The following RNF213 variants were observed in gnomAD, a reference collection of about 807,000 sequenced individuals.
The protein encoded by RNF213 is ring finger protein 213.
Under a neutral mutation model 514.4 loss-of-function variants are expected in RNF213, and 341 were observed. The observed-to-expected ratio is 0.66, with a 90% CI of 0.61 to 0.73. The LOEUF (loss-of-function observed/expected upper bound fraction) is 0.73, where lower values mean the gene tolerates loss of function less well. RNF213 is among the 30% of genes least tolerant of loss of function. RNF213 has a pLI of 0.00. For missense variants in RNF213, 5,767 were observed against 6,615.6 expected (o/e 0.87, Z 4.45); for synonymous variants, 2,655 against 2,658.2 (o/e 1.00, Z 0.04).
intron 56 of RNF213, chr17:80,381,271 G>T: frequency 1.7e-6 from 1 of 594,698 alleles, no homozygotes; most frequent in Non-Finnish European, 3.0e-6. Flanking sequence ...TATTTTACCT[G>T]TGTCTTCATT....
Position 80,298,713 on chromosome 17 carries a change from C to T in RNF213, c.2210+195C>T, listed in dbSNP as rs1279785500. The T allele has an allele frequency of 8.0e-6, 5 of 623,398 alleles. No homozygotes were observed. In the African/African-American group the frequency reaches 9.1e-5, roughly 11 times the overall value. The allele number at this position is 623,398 out of a possible 1,614,324, so 38.6% of individuals were successfully genotyped here. ...TGCACAGTGGCTCACGCCTGTAATC[C>T]CAGCACTTTGGGAGGCTGAGACGGG... On this transcript the variant is annotated intron_variant, in intron 11 of 67. Coordinates refer to ENST00000582970, the MANE Select transcript of RNF213 (RefSeq NM_001256071.3).
In RNF213 at chr17:80,351,727, G is replaced by A. The variant is rs1359812046; in HGVS notation, c.10227G>A (p.Glu3409=). 2 of 1,611,732 alleles carry A rather than the reference G, an allele frequency of 1.2e-6. No individual in the cohort carries two copies. The highest frequency in any genetic ancestry group is 2.2e-5 in the East Asian group (1 of 44,894). Residue 3409 remains glutamate, a synonymous_variant, in exon 32 of 68, where the codon GAG becomes GAA. Coordinates refer to ENST00000582970, the MANE Select transcript of RNF213 (RefSeq NM_001256071.3). ...AAATCAACAAAATACGAGAAAATGA[G>A]GACCGTATCTTCGTCTATTTCATCA... is the stretch of plus-strand genomic sequence containing the variant. ...INEINKIREN[E]DRIFVYFITK...
At position 80,263,724 on chromosome 17, in the gene RNF213, C is replaced by G; in HGVS notation, c.43C>G (p.Pro15Ala). 1 of 1,614,144 alleles carries G rather than the reference C, an allele frequency of 6.2e-7. No homozygotes were observed. The highest frequency in any genetic ancestry group is 8.5e-7 in the Non-Finnish European group (1 of 1,180,024). ...CCAGCATGTCTCCAAGGAGGAAACC[C>G]CCAAGTTCTGCAGCCAGTGCGGAGA... is the stretch of plus-strand genomic sequence containing the variant. Reference protein sequence around the residue: ...SCQHVSKEETPKFCSQCGERL... With the variant: ...SCQHVSKEETAKFCSQCGERL... Residue 15 changes from proline (P) to alanine (A), a missense_variant, in exon 2 of 68, where the codon CCC (proline) becomes GCC (alanine). Transcript: ENST00000582970. This position sits in a 1 kb window ranked among gnomAD's most constrained non-coding sequence, Gnocchi z 4.9.
Position 80,373,129 on chromosome 17 carries a change from C to A in RNF213, c.12906C>A (p.His4302Gln). ...VQGLSKPGRP[H>Q]QWVFPKDVVK... Reference sequence around the variant, plus strand: ...GCCTCTCCAAGCCCGGCCGCCCGCACCAGTGGGTGTTTCCCAAGGACGTTG... The same window carrying A: ...GCCTCTCCAAGCCCGGCCGCCCGCAACAGTGGGTGTTTCCCAAGGACGTTG... The change falls in exon 49 of 68, where the codon CAC becomes CAA. Residue 4302 changes from histidine (H) to glutamine (Q), a missense_variant. Around this residue, in one of 13 missense-constraint regions of RNF213, gnomAD observed 1,245 missense variants for 1,339.0 expected, o/e 0.93. Transcript: ENST00000582970. 1 of 1,613,064 alleles carries A rather than the reference C, an allele frequency of 6.2e-7. No individual in the cohort carries two copies. The highest frequency in any genetic ancestry group is 8.5e-7 in the Non-Finnish European group (1 of 1,179,972).
At position 80,353,411 on chromosome 17, in the gene RNF213, C is replaced by T. The variant is rs2078605153; in HGVS notation, c.10424-101C>T. 2.2e-6 allele frequency: 3 copies of T among 1,357,102 alleles called. No homozygotes were observed. The highest frequency in any genetic ancestry group is 3.1e-6 in the Non-Finnish European group (3 of 972,258). The allele number at this position is 1,357,102 out of a possible 1,614,324, so 84.1% of individuals were successfully genotyped here. ...GCACCACAGCAGGGGCCGGGGAAGCCTGCACTCGGAGGCTGAGCACACAGA... is the reference window on the plus strand; with the variant it reads ...GCACCACAGCAGGGGCCGGGGAAGCTTGCACTCGGAGGCTGAGCACACAGA... On this transcript the variant is annotated intron_variant, in intron 33 of 67. Coordinates refer to ENST00000582970, the MANE Select transcript of RNF213 (RefSeq NM_001256071.3). The surrounding 1 kb of genome is among the most constrained non-coding windows in gnomAD (Gnocchi z 5.0).
At chr17:80,362,594 G>A (rs554210586) in intron 39 of RNF213, among the ~76,000 whole-genome samples, 6 of 152,352 alleles carry the variant, frequency 3.9e-5, no homozygotes, top group African/African-American at 1.4e-4. Flanking sequence ...GCCAGGCCAC[G>A]CGGCTGACAG....
chr17:80,305,752 C>T (rs1457733672), intron 11 of RNF213, among the ~76,000 whole-genome samples: 1 of 151,704 alleles, frequency 6.6e-6, no homozygotes, highest in African/African-American at 2.4e-5. Flanking sequence ...GCTGGGATTA[C>T]AGGATTACAG....
At chr17:80,319,977 A>T in intron 17 of RNF213, 2 of 1,033,152 alleles carry the variant, frequency 1.9e-6, no homozygotes, top group Non-Finnish European at 2.3e-6. Context: ...TAAGTGACTG[A>T]TACCTTTGAT....
intron 23 of RNF213, chr17:80,336,980 C>T (rs2078004422): frequency 5.8e-6 from 1 of 172,738 alleles, no homozygotes; most frequent in Non-Finnish European, 1.2e-5. Context: ...TTGACGTACG[C>T]AGCTTAACTA....
At position 80,358,257 on chromosome 17, in the gene RNF213, C is replaced by T. The variant is rs377018287; in HGVS notation, c.10863-31C>T. On this transcript the variant is annotated intron_variant, in intron 36 of 67. Coordinates refer to ENST00000582970, the MANE Select transcript of RNF213 (RefSeq NM_001256071.3). ...GACCGCCACTCTGGTTCCTCTGACCCGTGGTGGCCCATCTCTCTTCTGTGC... is the reference window on the plus strand; with the variant it reads ...GACCGCCACTCTGGTTCCTCTGACCTGTGGTGGCCCATCTCTCTTCTGTGC... The T allele has an allele frequency of 1.1e-4, 179 of 1,608,302 alleles. No individual in the cohort carries two copies. The African/African-American group carries it at 2.0e-3, about 18-fold the overall frequency.
chr17:80,262,983 G>GAGAGT (rs1310562844), intron 1 of RNF213, among the ~76,000 whole-genome samples: 2 of 152,204 alleles, frequency 1.3e-5, no homozygotes, highest in Non-Finnish European at 2.9e-5. Flanking sequence ...TGGGGAGGGA[G>GAGAGT]AGAGTCAGGT....
At chr17:80,295,471 C>A in intron 9 of RNF213, 86 bp from the exon 10 acceptor site, 2 of 1,563,464 alleles carry the variant, frequency 1.3e-6, no homozygotes, top group Non-Finnish European at 1.8e-6. Context: ...GGTCTGCTGC[C>A]CTAGCTGTGG....
intron 2 of RNF213, among the ~76,000 whole-genome samples, chr17:80,272,979 T>G (rs1470356399): frequency 6.6e-6 from 1 of 151,986 alleles, no homozygotes; most frequent in Non-Finnish European, 1.5e-5. Context: ...CTCGTGGACA[T>G]TGGGAGGAAG....
chr17:80,388,440 A>G (rs2080327117), intron 63 of RNF213, 172 bp from the exon 64 acceptor site: 1 of 655,998 alleles, frequency 1.5e-6, no homozygotes, highest in Non-Finnish European at 2.8e-6. Context: ...CGGTTGTGTT[A>G]CTATTTCCAT....
At chr17:80,368,233 C>T in intron 44 of RNF213, 90 bp downstream of exon 44, 2 of 1,421,708 alleles carry the variant, frequency 1.4e-6, no homozygotes, top group Non-Finnish European at 2.0e-6. Context: ...CTCTATTAAC[C>T]TTCATTTGGT....
intron 17 of RNF213, chr17:80,319,980 C>G: frequency 9.7e-7 from 1 of 1,032,550 alleles, no homozygotes. Flanking sequence ...GTGACTGATA[C>G]CTTTGATAAG....
rs2080688397 is a variant in RNF213 at position 80,397,505 on chromosome 17, C to T, written c.*4007C>T. 6.6e-6 allele frequency: 1 copy of T among 152,076 alleles called. No individual in the cohort carries two copies. Among genetic ancestry groups the T allele is most frequent in the African/African-American group, 2.4e-5 (1 of 41,400 alleles). The allele number at this position is 152,076 out of a possible 1,614,324, so 9.4% of individuals were successfully genotyped here. A position where few individuals can be genotyped will look rare whatever the true frequency, so the allele number is the denominator to read the frequency against. Reference sequence around the variant, plus strand: ...AGTGATGCTATCTATAGATTACAGACATTATATAGAAAAGCACCGTGAAAA... The same window carrying T: ...AGTGATGCTATCTATAGATTACAGATATTATATAGAAAAGCACCGTGAAAA... On this transcript the variant is annotated 3_prime_UTR_variant, in exon 68 of 68. Transcript: ENST00000582970.
At chr17:80,326,613 C>T (rs2143913901) in intron 18 of RNF213, among the ~76,000 whole-genome samples, 1 of 152,286 alleles carries the variant, frequency 6.6e-6, no homozygotes, top group African/African-American at 2.4e-5. Flanking sequence ...CTCCCATTTC[C>T]TTTAGTCTTT....
At position 80,354,451 on chromosome 17, in the gene RNF213, G is replaced by T. The variant is rs1273109648; in HGVS notation, c.10737G>T (p.Leu3579Phe). ...NEDDACHASF[L>F]RVSKMRLSVF... ...TCTGCCTTTGTACAGCCTCTTTCTTGCGGGTATCCAAGATGCGCCTCAGTG... is the reference window on the plus strand; with the variant it reads ...TCTGCCTTTGTACAGCCTCTTTCTTTCGGGTATCCAAGATGCGCCTCAGTG... The change falls in exon 36 of 68, where the codon TTG (leucine) becomes TTT (phenylalanine). Residue 3579 changes from leucine to phenylalanine, a missense_variant. Around this residue, in one of 13 missense-constraint regions of RNF213, gnomAD observed 919 missense variants for 1,121.0 expected, o/e 0.82. Transcript: ENST00000582970. The T allele has an allele frequency of 6.2e-7, 1 of 1,614,220 alleles. No homozygotes were observed. The highest frequency in any genetic ancestry group is 1.1e-5 in the South Asian group (1 of 91,086).
Sources: gnomAD v4.1 joint callset for allele counts (sites outside exome capture counted in the v4.1 genomes callset) on GRCh38, gnomAD v4.1.1 for gene constraint, gnomAD v4.1.1 regional missense constraint, Gnocchi (gnomAD v3.1) non-coding constraint, MANE v1.5 for transcripts, NCBI Gene and HGNC (gene_info 2026-07-23, HGNC 2026-07-21) for gene names.